Variants in NRXN3 observed in about 807,000 individuals in gnomAD.
NRXN3 encodes neurexin III.
In NRXN3, 32 loss-of-function variants were observed where a neutral mutation model predicts 137.6. The observed-to-expected ratio is 0.23, with a 90% CI of 0.18 to 0.31. The LOEUF (loss-of-function observed/expected upper bound fraction) is 0.31, where lower values mean the gene tolerates loss of function less well. Ranked by LOEUF, NRXN3 falls within the 10% of genes least tolerant of loss-of-function variation. NRXN3 has a pLI of 1.00. For synonymous variants in NRXN3, 798 were observed against 784.5 expected (o/e 1.02, Z -0.29); for missense variants, 1,574 against 2,062.5 (o/e 0.76, Z 4.59).
intron 15 of NRXN3, among the ~76,000 whole-genome samples, chr14:79,087,841 C>G (rs903756530): frequency 6.6e-6 from 1 of 152,196 alleles, no homozygotes; most frequent in East Asian, 1.9e-4. Context: ...TGTTTGAGAA[C>G]TTACCTGGAA....
intron 15 of NRXN3, among the ~76,000 whole-genome samples, chr14:79,180,157 G>A (rs953276501): frequency 2.6e-5 from 4 of 151,692 alleles, no homozygotes; most frequent in African/African-American, 4.8e-5. Context: ...GTGGCTTATG[G>A]GGTATTGATT....
chr14:79,005,861 C>A (rs368523337), intron 15 of NRXN3, among the ~76,000 whole-genome samples: 1 of 151,844 alleles, frequency 6.6e-6, no homozygotes, highest in Admixed American at 6.6e-5. Flanking sequence ...TCAAAAAAAA[C>A]GAGTGGGTTT....
intron 8 of NRXN3, among the ~76,000 whole-genome samples, chr14:78,734,704 G>A (rs1182729732): frequency 6.6e-6 from 1 of 152,192 alleles, no homozygotes; most frequent in Admixed American, 6.5e-5. Flanking sequence ...ATAAGAAGGT[G>A]TTACCAGACA....
chr14:79,703,636 C>T (rs559150657), intron 19 of NRXN3, among the ~76,000 whole-genome samples: 2 of 152,106 alleles, frequency 1.3e-5, no homozygotes, highest in East Asian at 3.9e-4. Flanking sequence ...GAAACTGCCC[C>T]CCTGATCCCC....
At chr14:79,765,033 T>C (rs1197118243) in intron 19 of NRXN3, among the ~76,000 whole-genome samples, 1 of 152,196 alleles carries the variant, frequency 6.6e-6, no homozygotes, top group African/African-American at 2.4e-5. Flanking sequence ...AACATTTACA[T>C]AGACATCCAT....
At chr14:78,532,179 C>T (rs551263750) in intron 4 of NRXN3, among the ~76,000 whole-genome samples, 33 of 146,624 alleles carry the variant, frequency 2.3e-4, no homozygotes, top group Non-Finnish European at 3.6e-4. Flanking sequence ...GCCAAGTGCG[C>T]GCGTGGTGGC....
At chr14:78,910,938 G>T (rs2099235566) in intron 10 of NRXN3, among the ~76,000 whole-genome samples, 1 of 152,060 alleles carries the variant, frequency 6.6e-6, no homozygotes, top group South Asian at 2.1e-4. Flanking sequence ...CAATGCAATG[G>T]ATATTTGAAA....
chr14:78,239,074 C>T (rs950133166), intron 1 of NRXN3, among the ~76,000 whole-genome samples: 2 of 152,222 alleles, frequency 1.3e-5, no homozygotes, highest in African/African-American at 4.8e-5. Flanking sequence ...TGTGTGGAGG[C>T]CACTGCATGG....
At position 78,266,028 on chromosome 14, in the gene NRXN3, A is replaced by G. The variant is rs554621068; in HGVS notation, c.710-12617A>G. ...TATGTCAATGAAATGAACCTGTACA[A>G]TGAAAGGAATGGACCTTACTTGAAG... On this transcript the variant is annotated intron_variant, in intron 2 of 20. Transcript: ENST00000335750. Among the ~76,000 whole-genome samples, 20 of 152,292 alleles carry G rather than the reference A, an allele frequency of 1.3e-4. 1 individual carries two copies. The South Asian group carries it at 3.7e-3, about 28-fold the overall frequency.
At chr14:79,584,112 A>G (rs1164857005) in intron 16 of NRXN3, among the ~76,000 whole-genome samples, 2 of 152,096 alleles carry the variant, frequency 1.3e-5, no homozygotes, top group East Asian at 3.9e-4. Flanking sequence ...TTTCTCCTGG[A>G]CATTTTATGT....
chr14:79,744,363 A>G (rs1316856353), intron 19 of NRXN3, among the ~76,000 whole-genome samples: 8 of 152,298 alleles, frequency 5.3e-5, no homozygotes, highest in African/African-American at 4.8e-5. Context: ...AGCAGTCACA[A>G]CGCTTTAATG....
At chr14:78,954,767 G>GT (rs531410595) in intron 10 of NRXN3, among the ~76,000 whole-genome samples, 2,819 of 130,158 alleles carry the variant, frequency 0.022, 31 homozygotes, top group South Asian at 0.026. Context: ...ACCTGGCCTG[G>GT]TTTTTTTTTT....
intron 10 of NRXN3, among the ~76,000 whole-genome samples, chr14:78,941,474 C>T (rs73325319): frequency 1.3e-5 from 2 of 152,110 alleles, no homozygotes; most frequent in African/African-American, 2.4e-5. Flanking sequence ...TTCCAAGAAG[C>T]ATTTCTAGTT....
chr14:78,834,684 G>A (rs2098991410), intron 10 of NRXN3, among the ~76,000 whole-genome samples: 1 of 152,010 alleles, frequency 6.6e-6, no homozygotes. Flanking sequence ...TGATATGTTT[G>A]GGTCTCCTGA....
At chr14:79,085,781 A>T (rs182056176) in intron 15 of NRXN3, among the ~76,000 whole-genome samples, 8 of 152,220 alleles carry the variant, frequency 5.3e-5, no homozygotes, top group Non-Finnish European at 1.2e-4. Flanking sequence ...TGAGTAACAC[A>T]CTTTTCCAGA....
At chr14:79,491,595 C>T (rs1412634715) in intron 16 of NRXN3, among the ~76,000 whole-genome samples, 4 of 144,214 alleles carry the variant, frequency 2.8e-5, no homozygotes, top group African/African-American at 8.8e-5. Flanking sequence ...TGACATTTTT[C>T]GTCTCAAAAA....
chr14:78,888,464 T>C (rs761574775), intron 10 of NRXN3, among the ~76,000 whole-genome samples: 52 of 152,164 alleles, frequency 3.4e-4, no homozygotes, highest in Admixed American at 3.9e-4. Context: ...CTAGAAACAA[T>C]GTAAGACAAT....
Position 79,586,614 on chromosome 14 carries a change from C to T in NRXN3, c.3445-77164C>T, listed in dbSNP as rs78256107. ...CCACCCAAAGTGCTGGGATCACAGG[C>T]GTGAGCCACCGCGCCAGGCCCTAAA... On this transcript the variant is annotated intron_variant, in intron 16 of 20. Transcript: ENST00000335750. Among the ~76,000 whole-genome samples, 184 of 152,202 alleles carry T rather than the reference C, an allele frequency of 1.2e-3. 2 individuals carry two copies. The East Asian group carries it at 0.032, about 27-fold the overall frequency.
chr14:79,754,502 TGATATATATATATATA>T (rs1354161948), intron 19 of NRXN3, among the ~76,000 whole-genome samples: 12 of 48,404 alleles, frequency 2.5e-4, no homozygotes, highest in African/African-American at 3.4e-4. Context: ...CACTCTCTCT[TGATATATATATATATA>T]TATATATATA....
Sources: gnomAD v4.1 joint callset for allele counts (sites outside exome capture counted in the v4.1 genomes callset) on GRCh38, gnomAD v4.1.1 for gene constraint, MANE v1.5 for transcripts, NCBI Gene and HGNC (gene_info 2026-07-23, HGNC 2026-07-21) for gene names.